KCNA6: variants seen among roughly 807,000 people sequenced by gnomAD.
KCNA6 encodes the protein potassium voltage-gated channel subfamily A member 6, also known as human brain potassium channel-2.
A neutral mutation model predicts 29.5 loss-of-function variants in KCNA6; 17 were observed. The observed-to-expected ratio is 0.58, with a 90% CI of 0.39 to 0.86. The LOEUF is 0.86. Among genes scored for constraint, KCNA6 ranks in the 40% least tolerant of loss-of-function variants. KCNA6 has a pLI of 0.00. For missense variants in KCNA6, 450 were observed against 703.4 expected (o/e 0.64, Z 4.07); for synonymous variants, 296 against 304.7 (o/e 0.97, Z 0.30).
At chr12:4,831,348 T>C in the KCNA6 span, among the ~76,000 whole-genome samples, 2 of 152,136 alleles carry the variant, frequency 1.3e-5, no homozygotes, top group Non-Finnish European at 2.9e-5. Flanking sequence ...TAACTCGTTA[T>C]CACCCACAAG....
At chr12:4,820,663 A>G in the KCNA6 span, among the ~76,000 whole-genome samples, 1 of 151,962 alleles carries the variant, frequency 6.6e-6, no homozygotes, top group Non-Finnish European at 1.5e-5. Context: ...AAATGGAATT[A>G]AGTGATTTTA....
the KCNA6 span, among the ~76,000 whole-genome samples, chr12:4,849,420 CTT>C: frequency 0.012 from 1,777 of 149,018 alleles, 44 homozygotes; most frequent in African/African-American, 0.042. Context: ...CCAAAGAAAA[CTT>C]TGACCATTTG....
At chr12:4,830,960 A>C in the KCNA6 span, among the ~76,000 whole-genome samples, 1 of 152,154 alleles carries the variant, frequency 6.6e-6, no homozygotes, top group Non-Finnish European at 1.5e-5. Flanking sequence ...TTCCTCTCTC[A>C]GGCCCTGCCC....
At chr12:4,824,131 G>A in the KCNA6 span, among the ~76,000 whole-genome samples, 3 of 152,218 alleles carry the variant, frequency 2.0e-5, no homozygotes, top group African/African-American at 7.2e-5. Context: ...CCTCATGGTG[G>A]CCAGTGAATG....
chr12:4,810,513 C>A lies in KCNA6; in HGVS notation c.472C>A (p.Arg158Ser). Reference sequence around the variant, plus strand: ...GCCGCTGCCCTCCCAGCCCTTCCAGCGCCAGGTGTGGCTGCTCTTTGAGTA... The same window carrying A: ...GCCGCTGCCCTCCCAGCCCTTCCAGAGCCAGGTGTGGCTGCTCTTTGAGTA... The change falls in exon 1 of 1, where the codon CGC (arginine) becomes AGC (serine). Residue 158 changes from arginine to serine, a missense_variant. Coordinates refer to ENST00000280684, the Ensembl canonical transcript of KCNA6. The surrounding 1 kb of genome is among the most constrained non-coding windows in gnomAD (Gnocchi z 7.5). The A allele has an allele frequency of 6.2e-7, 1 of 1,614,174 alleles. No individual in the cohort carries two copies. Among genetic ancestry groups the A allele is most frequent in the Non-Finnish European group, 8.5e-7 (1 of 1,180,036 alleles).
the KCNA6 span, chr12:4,850,653 T>C: frequency 2.8e-6 from 1 of 363,188 alleles, no homozygotes; most frequent in South Asian, 2.1e-5. This position sits in a 1 kb window ranked among gnomAD's most constrained non-coding sequence, Gnocchi z 5.4. Context: ...CACTGGTGTG[T>C]CCAGGTTTCT....
chr12:4,811,013 C>T lies in KCNA6; in HGVS notation c.972C>T (p.Ala324=), dbSNP rs374446827. 4.3e-6 allele frequency: 7 copies of T among 1,614,114 alleles called. No homozygotes were observed. The highest frequency in any genetic ancestry group is 5.9e-6 in the Non-Finnish European group (7 of 1,180,056). ...TGCAGCAGCAGGAGCAGCAACCAGC[C>T]AGTGGAGGAGGCGGCCAGAATGGGC... The change falls in exon 1 of 1, where the codon GCC becomes GCT. Residue 324 remains alanine (A), a synonymous_variant. Coordinates refer to ENST00000280684, the Ensembl canonical transcript of KCNA6. This position sits in a 1 kb window ranked among gnomAD's most constrained non-coding sequence, Gnocchi z 7.1.
At position 4,811,502 on chromosome 12, in the gene KCNA6, G is replaced by A. The variant is rs774363481; in HGVS notation, c.1461G>A (p.Pro487=). The change falls in exon 1 of 1, where the codon CCG becomes CCA. Residue 487 remains proline (P), a synonymous_variant. Transcript: ENST00000280684. This position sits in a 1 kb window ranked among gnomAD's most constrained non-coding sequence, Gnocchi z 7.1. ...ACGTCACTTGTGGGCAGCCTGCGCCGGACCTGAGGGCAACTGACAACGGAC... is the reference window on the plus strand; with the variant it reads ...ACGTCACTTGTGGGCAGCCTGCGCCAGACCTGAGGGCAACTGACAACGGAC... The A allele has an allele frequency of 6.2e-6, 10 of 1,614,056 alleles. No individual in the cohort carries two copies. The highest frequency in any genetic ancestry group is 2.2e-5 in the East Asian group (1 of 44,894).
chr12:4,815,123 T>C (rs1946669453), downstream of KCNA6, among the ~76,000 whole-genome samples: 1 of 152,210 alleles, frequency 6.6e-6, no homozygotes, highest in Non-Finnish European at 1.5e-5. Flanking sequence ...TTTCCCCCTC[T>C]GTTCTTTTAC....
At chr12:4,828,781 G>C in the KCNA6 span, among the ~76,000 whole-genome samples, 1 of 152,174 alleles carries the variant, frequency 6.6e-6, no homozygotes, top group East Asian at 1.9e-4. Context: ...CTCCAGAGTC[G>C]TGCTCTTATC....
At chr12:4,822,110 C>T in the KCNA6 span, among the ~76,000 whole-genome samples, 1 of 152,202 alleles carries the variant, frequency 6.6e-6, no homozygotes, top group Non-Finnish European at 1.5e-5. Context: ...GTTGGGATTA[C>T]AGGTGTGAGC....
At chr12:4,846,691 A>C in the KCNA6 span, among the ~76,000 whole-genome samples, 1 of 147,804 alleles carries the variant, frequency 6.8e-6, no homozygotes, top group African/African-American at 2.5e-5. Context: ...CTTCATCTTG[A>C]CTTCTGGGGC....
the KCNA6 span, among the ~76,000 whole-genome samples, chr12:4,838,392 G>A: frequency 6.6e-6 from 1 of 152,164 alleles, no homozygotes; most frequent in Non-Finnish European, 1.5e-5. Flanking sequence ...TGGTAGCATG[G>A]CACCTTACAC....
chr12:4,840,316 T>C, the KCNA6 span, among the ~76,000 whole-genome samples: 1 of 152,020 alleles, frequency 6.6e-6, no homozygotes, highest in African/African-American at 2.4e-5. Context: ...CAACAAAAAG[T>C]GGGCAAAAGA....
At chr12:4,824,310 A>G in the KCNA6 span, among the ~76,000 whole-genome samples, 1 of 152,240 alleles carries the variant, frequency 6.6e-6, no homozygotes, top group Non-Finnish European at 1.5e-5. Flanking sequence ...CAAAGCTCTC[A>G]TAAATCAGTC....
chr12:4,823,023 GC>G, the KCNA6 span, among the ~76,000 whole-genome samples: 1 of 152,096 alleles, frequency 6.6e-6, no homozygotes, highest in Non-Finnish European at 1.5e-5. Context: ...CTTTTTTTAA[GC>G]TTTATATGTA....
Position 4,810,458 on chromosome 12 carries a change from C to T in KCNA6, c.417C>T (p.Gly139=). Residue 139 remains glycine, a synonymous_variant, in exon 1 of 1, where the codon GGC becomes GGT. Transcript: ENST00000280684. This position sits in a 1 kb window ranked among gnomAD's most constrained non-coding sequence, Gnocchi z 7.5. ...TGGCGGCCTTCCGGGAGGACGAGGG[C>T]TGCCTGCCCGAAGGTGGCGAGGACG... The T allele has an allele frequency of 3.7e-6, 6 of 1,614,054 alleles. No homozygotes were observed. The highest frequency in any genetic ancestry group is 2.2e-5 in the South Asian group (2 of 91,064).
chr12:4,810,509 C>T lies in KCNA6; in HGVS notation c.468C>T (p.Phe156=), dbSNP rs1946616655. Residue 156 remains phenylalanine, a synonymous_variant, in exon 1 of 1, where the codon TTC becomes TTT. Coordinates refer to ENST00000280684, the Ensembl canonical transcript of KCNA6. This position sits in a 1 kb window ranked among gnomAD's most constrained non-coding sequence, Gnocchi z 7.5. ...AGAAGCCGCTGCCCTCCCAGCCCTT[C>T]CAGCGCCAGGTGTGGCTGCTCTTTG... 1 of 1,614,200 alleles carries T rather than the reference C, an allele frequency of 6.2e-7. No individual in the cohort carries two copies. Among genetic ancestry groups the T allele is most frequent in the Non-Finnish European group, 8.5e-7 (1 of 1,180,048 alleles).
the KCNA6 span, among the ~76,000 whole-genome samples, chr12:4,841,362 T>C: frequency 6.6e-6 from 1 of 152,288 alleles, no homozygotes; most frequent in South Asian, 2.1e-4. Flanking sequence ...TAATCTTATT[T>C]TTGGCAGTTT....
Sources: gnomAD v4.1 joint callset for allele counts (sites outside exome capture counted in the v4.1 genomes callset) on GRCh38, gnomAD v4.1.1 for gene constraint, Gnocchi (gnomAD v3.1) non-coding constraint, MANE v1.5 for transcripts, NCBI Gene and HGNC (gene_info 2026-07-23, HGNC 2026-07-21) for gene names.